MYLK: variants seen among roughly 807,000 people sequenced by gnomAD.
MYLK encodes myosin light chain kinase, smooth muscle.
MYLK carries 106 observed loss-of-function variants against 203.4 expected under a neutral mutation model. That is an observed-to-expected ratio of 0.52 (90% CI 0.45 to 0.61). MYLK has a LOEUF of 0.61. Ranked by LOEUF, MYLK falls within the 20% of genes least tolerant of loss-of-function variation. The pLI, the probability that MYLK is intolerant of heterozygous loss-of-function variation, is 0.00. For synonymous variants in MYLK, 867 were observed against 959.5 expected, an observed-to-expected ratio of 0.90 and a Z score of 1.78; for missense variants, 2,072 against 2,442.3, an observed-to-expected ratio of 0.85 and a Z score of 3.20.
At chr3:123,766,621 G>T (rs2063712834) in intron 4 of MYLK, among the ~76,000 whole-genome samples, 1 of 152,190 alleles carries the variant, frequency 6.6e-6, no homozygotes, top group Non-Finnish European at 1.5e-5. Flanking sequence ...CAACAGCCCT[G>T]CCCGCCTTAG....
In MYLK at chr3:123,766,469, G is replaced by A. The variant is rs139784917; in HGVS notation, c.166-13931C>T. Among the ~76,000 whole-genome samples the A allele has an allele frequency of 1.9e-3, 294 of 152,362 alleles. 1 individual carries two copies. The highest frequency in any genetic ancestry group is 6.7e-3 in the African/African-American group (278 of 41,596). On this transcript the variant is annotated intron_variant, in intron 4 of 33. Coordinates refer to ENST00000360304, the MANE Select transcript of MYLK (RefSeq NM_053025.4). ...CTCCACAGAGGTGTTGCTGTGAGTTGAGCAAGAAGGGAGGACCACCTCTTA... is the reference window on the plus strand; with the variant it reads ...CTCCACAGAGGTGTTGCTGTGAGTTAAGCAAGAAGGGAGGACCACCTCTTA...
At chr3:123,638,325 G>T in intron 28 of MYLK, 131 bp from the exon 29 acceptor site, 1 of 1,320,784 alleles carries the variant, frequency 7.6e-7, no homozygotes. Context: ...CAGAGAACAG[G>T]CACAGAGACA....
At chr3:123,699,281 T>A (rs2061069712) in intron 18 of MYLK, among the ~76,000 whole-genome samples, 1 of 152,116 alleles carries the variant, frequency 6.6e-6, no homozygotes, top group African/African-American at 2.4e-5. Flanking sequence ...AACTGGCTCC[T>A]CTGAAAACTC....
At chr3:123,719,520 A>C (rs1415579767) in intron 13 of MYLK, among the ~76,000 whole-genome samples, 1 of 152,202 alleles carries the variant, frequency 6.6e-6, no homozygotes, top group African/African-American at 2.4e-5. Context: ...ATACCTATGG[A>C]GGGTGTGTGC....
chr3:123,700,657 A>G lies in MYLK; in HGVS notation c.2811T>C (p.Thr937=), dbSNP rs1576624274. 2.5e-6 allele frequency: 4 copies of G among 1,614,058 alleles called. No individual in the cohort carries two copies. The African/African-American group carries it at 4.0e-5, about 16-fold the overall frequency. The stretch of plus-strand genomic sequence containing the variant: ...GCACCTTCCTCTCTTCCTCAGACAC[A>G]GTCTTTGGCTTCACTTGCCGCTGCA... ...ANLQRQVKPK[T]VSEEERKVHS... is the part of the protein sequence containing the mutation. The change falls in exon 18 of 34, where the codon ACT becomes ACC. Residue 937 remains threonine, a synonymous_variant. Transcript: ENST00000360304.
At chr3:123,667,925 G>A (rs2059794120) in intron 20 of MYLK, among the ~76,000 whole-genome samples, 1 of 146,284 alleles carries the variant, frequency 6.8e-6, no homozygotes, top group Non-Finnish European at 1.5e-5. Context: ...GCTTCCTTTG[G>A]GTCACAGACT....
At chr3:123,667,096 AG>A (rs1560042968) in intron 21 of MYLK, 40 bp downstream of exon 21, 1 of 1,597,052 alleles carries the variant, frequency 6.3e-7, no homozygotes, top group South Asian at 1.1e-5. Flanking sequence ...CCCCCATGGT[AG>A]ATGACTTCTT....
Position 123,755,189 on chromosome 3 carries a change from A to C in MYLK, c.166-2651T>G, listed in dbSNP as rs576396678. Among the ~76,000 whole-genome samples, 233 of 152,346 alleles carry C rather than the reference A, an allele frequency of 1.5e-3. 1 individual carries two copies. Among genetic ancestry groups the C allele is most frequent in the Admixed American group, 2.9e-3 (45 of 15,304 alleles). ...AATGGGAGTGCCAAGCACTGCAACTAGGAGGAGGTAAATCATTAACTGCGC... is the reference window on the plus strand; with the variant it reads ...AATGGGAGTGCCAAGCACTGCAACTCGGAGGAGGTAAATCATTAACTGCGC... On this transcript the variant is annotated intron_variant, in intron 4 of 33. Transcript: ENST00000360304.
rs1216102740 is a variant in MYLK at position 123,610,620 on chromosome 3, T to A, written c.*3485A>T. The A allele has an allele frequency of 6.6e-6, 1 of 152,124 alleles. No homozygotes were observed. Among genetic ancestry groups the A allele is most frequent in the Admixed American group, 6.6e-5 (1 of 15,262 alleles). 9.4% of individuals were successfully genotyped at this position (152,124 alleles called of 1,614,324 possible). On this transcript the variant is annotated 3_prime_UTR_variant, in exon 34 of 34. Coordinates refer to ENST00000360304, the MANE Select transcript of MYLK (RefSeq NM_053025.4). Reference sequence around the variant, plus strand: ...GTGAAGCCCTAACTCTGTGCAGAGATCCTTAGCAACAACTGCCACCAACAT... The same window carrying A: ...GTGAAGCCCTAACTCTGTGCAGAGAACCTTAGCAACAACTGCCACCAACAT...
chr3:123,869,811 G>A (rs948801494), intron 2 of MYLK, among the ~76,000 whole-genome samples: 3 of 152,186 alleles, frequency 2.0e-5, no homozygotes, highest in Admixed American at 1.3e-4. Context: ...CATCTAATAA[G>A]TTCTTGAGCT....
chr3:123,793,382 GTCT>G (rs1457822199), intron 4 of MYLK, among the ~76,000 whole-genome samples: 1 of 152,094 alleles, frequency 6.6e-6, no homozygotes, highest in Non-Finnish European at 1.5e-5. Context: ...ACCGGACCGC[GTCT>G]TCTTTTTCTG....
intron 3 of MYLK, among the ~76,000 whole-genome samples, chr3:123,819,820 T>C (rs1440324562): frequency 5.5e-5 from 8 of 145,570 alleles, no homozygotes; most frequent in African/African-American, 2.0e-4. Flanking sequence ...GCAGGGGGCA[T>C]TCTTTTGAAG....
chr3:123,786,856 A>T (rs1358510931), intron 4 of MYLK, among the ~76,000 whole-genome samples: 18 of 152,234 alleles, frequency 1.2e-4, no homozygotes, highest in Admixed American at 1.2e-3. Flanking sequence ...ATATACAAGG[A>T]TATTCAGATA....
At chr3:123,863,844 C>T (rs2032117882) in intron 2 of MYLK, among the ~76,000 whole-genome samples, 1 of 152,152 alleles carries the variant, frequency 6.6e-6, no homozygotes, top group African/African-American at 2.4e-5. Context: ...AATTCCACTC[C>T]TAGATATTTA....
intron 27 of MYLK, among the ~76,000 whole-genome samples, chr3:123,646,596 G>A (rs1358279396): frequency 6.6e-6 from 1 of 152,240 alleles, no homozygotes; most frequent in Non-Finnish European, 1.5e-5. Context: ...GAGGATTCAG[G>A]TGCAGAAGAA....
chr3:123,652,614 C>G (rs528207046), intron 24 of MYLK, among the ~76,000 whole-genome samples: 5 of 152,340 alleles, frequency 3.3e-5, no homozygotes, highest in African/African-American at 1.2e-4. Context: ...GGCTTTATAT[C>G]TCGAACTGTC....
Position 123,613,909 on chromosome 3 carries a change from A to G in MYLK, c.*196T>C, listed in dbSNP as rs371846511. 7 of 635,544 alleles carry G rather than the reference A, an allele frequency of 1.1e-5. No individual in the cohort carries two copies. The highest frequency in any genetic ancestry group is 7.3e-5 in the African/African-American group (4 of 54,444). The allele number at this position is 635,544 out of a possible 1,614,324, so 39.4% of individuals were successfully genotyped here. On this transcript the variant is annotated 3_prime_UTR_variant, in exon 34 of 34. Transcript: ENST00000360304. ...GCTGCACTAGTATCTTAAGGTGCCA[A>G]CTAACATAGATTAATGCCCATCAAT... is the stretch of plus-strand genomic sequence containing the variant.
intron 4 of MYLK, among the ~76,000 whole-genome samples, chr3:123,788,750 C>T (rs2064650683): frequency 6.6e-6 from 1 of 152,162 alleles, no homozygotes; most frequent in African/African-American, 2.4e-5. Context: ...TGTTCCCTTC[C>T]TCCACCTTCC....
chr3:123,627,213 C>T (rs1187372015), intron 30 of MYLK, among the ~76,000 whole-genome samples: 1 of 152,196 alleles, frequency 6.6e-6, no homozygotes, highest in Non-Finnish European at 1.5e-5. Context: ...CTCTTGGGAT[C>T]GAGGAAGAGT....
Sources: allele counts gnomAD v4.1 joint callset (sites outside exome capture counted in the v4.1 genomes callset), GRCh38; gene constraint gnomAD v4.1.1; transcripts MANE v1.5; gene names NCBI Gene and HGNC (gene_info 2026-07-23, HGNC 2026-07-21).